EDNRA: variants seen among roughly 807,000 people sequenced by gnomAD.
EDNRA encodes endothelin-1 receptor.
Under a neutral mutation model 41.4 loss-of-function variants are expected in EDNRA, and 11 were observed. That is an observed-to-expected ratio of 0.27 (90% CI 0.17 to 0.44). EDNRA has a LOEUF of 0.44. Among genes scored for constraint, EDNRA ranks in the 20% least tolerant of loss-of-function variants. EDNRA has a pLI of 1.00. For missense variants in EDNRA, 294 were observed against 531.0 expected (o/e 0.55, Z 4.39); for synonymous variants, 172 against 183.0 (o/e 0.94, Z 0.49).
chr4:147,512,700 C>T (rs775339537), intron 2 of EDNRA, among the ~76,000 whole-genome samples: 1 of 152,204 alleles, frequency 6.6e-6, no homozygotes, highest in Non-Finnish European at 1.5e-5. Context: ...GTCTAAGTCA[C>T]GCCAGGGGAC....
At position 147,542,681 on chromosome 4, in the gene EDNRA, A is replaced by G. The variant is rs777398660; in HGVS notation, c.*63A>G. On this transcript the variant is annotated 3_prime_UTR_variant, in exon 8 of 8. Coordinates refer to ENST00000651419, the MANE Select transcript of EDNRA (RefSeq NM_001957.4). ...TCTCGGAGAAAAAAATCACAAGGCA[A>G]CTGTGAGTCCGGGAATCTCTTCTCT... is the stretch of plus-strand genomic sequence containing the variant. 12 of 1,574,218 alleles carry G rather than the reference A, an allele frequency of 7.6e-6. No individual in the cohort carries two copies. The highest frequency in any genetic ancestry group is 6.9e-6 in the Non-Finnish European group (8 of 1,154,994).
intron 2 of EDNRA, among the ~76,000 whole-genome samples, chr4:147,517,160 T>C (rs1156363483): frequency 6.6e-6 from 1 of 152,198 alleles, no homozygotes; most frequent in Non-Finnish European, 1.5e-5. Context: ...TTTTACCATC[T>C]TATGTATTAT....
At chr4:147,530,351 AG>A (rs923182038) in intron 3 of EDNRA, among the ~76,000 whole-genome samples, 1 of 152,228 alleles carries the variant, frequency 6.6e-6, no homozygotes, top group African/African-American at 2.4e-5. Context: ...ACTGGGTATC[AG>A]GCTGCCAGTT....
intron 2 of EDNRA, chr4:147,488,567 C>G (rs1729021948): frequency 6.6e-6 from 1 of 152,082 alleles, no homozygotes; most frequent in Non-Finnish European, 1.5e-5. Context: ...ATTTAACTAT[C>G]ATTAATTTTA....
chr4:147,505,371 C>T (rs1326696579), intron 2 of EDNRA, among the ~76,000 whole-genome samples: 1 of 108,988 alleles, frequency 9.2e-6, no homozygotes, highest in Non-Finnish European at 1.7e-5. Context: ...TGGAGTTGCG[C>T]TCTTGTTGCC....
chr4:147,503,974 A>C (rs992198155), intron 2 of EDNRA, among the ~76,000 whole-genome samples: 1 of 152,170 alleles, frequency 6.6e-6, no homozygotes, highest in African/African-American at 2.4e-5. Context: ...AAACAAAAAA[A>C]TTATTTAGTG....
At chr4:147,514,832 T>C (rs1044399463) in intron 2 of EDNRA, among the ~76,000 whole-genome samples, 5 of 152,218 alleles carry the variant, frequency 3.3e-5, no homozygotes, top group Non-Finnish European at 7.3e-5. Flanking sequence ...TCCTGTTCCA[T>C]TTGACTGTCA....
In EDNRA at chr4:147,532,531, C is replaced by T. The variant is rs1274081127; in HGVS notation, c.574C>T (p.Arg192Cys). 1.2e-6 allele frequency: 2 copies of T among 1,613,766 alleles called. No homozygotes were observed. The highest frequency in any genetic ancestry group is 2.7e-5 in the African/African-American group (2 of 74,806). ...DRYRAVASWS[R>C]VQGIGIPLVT... ...GTACAGAGCAGTTGCCTCCTGGAGT[C>T]GTGTTCAGGGAATTGGGATTCCTTT... Residue 192 changes from arginine to cysteine, a missense_variant, in exon 4 of 8, where the codon CGT becomes TGT. Physicochemically the swap from Arg to Cys is radical, Grantham distance 180. Transcript: ENST00000651419.
chr4:147,536,315 T>C (rs761452035), intron 5 of EDNRA, among the ~76,000 whole-genome samples: 36 of 152,186 alleles, frequency 2.4e-4, no homozygotes, highest in Non-Finnish European at 4.7e-4. Flanking sequence ...GTGCATTCAA[T>C]TGGGCTTGAA....
chr4:147,520,266 T>C (rs917138018), intron 3 of EDNRA, among the ~76,000 whole-genome samples: 2 of 152,242 alleles, frequency 1.3e-5, no homozygotes, highest in East Asian at 3.8e-4. Flanking sequence ...GAATAAACTT[T>C]GTGAAAAGGA....
chr4:147,488,381 A>G (rs1729014130), intron 2 of EDNRA: 1 of 152,242 alleles, frequency 6.6e-6, no homozygotes, highest in South Asian at 2.1e-4. Context: ...TCACCTAGCA[A>G]TGAATAAAAA....
At chr4:147,491,996 AGTCCTTCTACCTGGAATATG>A (rs1396107667) in intron 2 of EDNRA, 1 of 152,110 alleles carries the variant, frequency 6.6e-6, no homozygotes, top group Non-Finnish European at 1.5e-5. Context: ...TATCTATCTG[AGTCCTTCTACCTGGAATATG>A]GTCCTTCTAC....
At chr4:147,528,621 A>T (rs77249653) in intron 3 of EDNRA, among the ~76,000 whole-genome samples, 6,406 of 152,176 alleles carry the variant, frequency 0.042, 245 homozygotes, top group African/African-American at 0.1. Context: ...GGCATGAACC[A>T]TCGCACCCGG....
chr4:147,499,797 C>CTT (rs58464606), intron 2 of EDNRA, among the ~76,000 whole-genome samples: 2,293 of 85,332 alleles, frequency 0.027, 25 homozygotes, highest in Non-Finnish European at 0.032. Flanking sequence ...CTCTAAAAGT[C>CTT]TTTTTTTTTT....
chr4:147,522,290 G>C (rs1468851888), intron 3 of EDNRA, among the ~76,000 whole-genome samples: 1 of 152,148 alleles, frequency 6.6e-6, no homozygotes, highest in Non-Finnish European at 1.5e-5. Flanking sequence ...TGTAATCCCA[G>C]CACTTTGTGA....
At chr4:147,491,009 T>C (rs535736435) in intron 2 of EDNRA, 2 of 151,898 alleles carry the variant, frequency 1.3e-5, no homozygotes, top group Non-Finnish European at 2.9e-5. Context: ...TAGCAGGGAG[T>C]TGATGCCGTG....
intron 2 of EDNRA, among the ~76,000 whole-genome samples, chr4:147,497,135 G>C (rs930065612): frequency 6.7e-6 from 1 of 149,284 alleles, no homozygotes; most frequent in Non-Finnish European, 1.5e-5. Context: ...TAAGAACTAG[G>C]CAATAGAATT....
At chr4:147,481,942 T>G (rs1426327583) in intron 1 of EDNRA, among the ~76,000 whole-genome samples, 1 of 152,210 alleles carries the variant, frequency 6.6e-6, no homozygotes, top group Non-Finnish European at 1.5e-5. Context: ...TGCTCGCCTT[T>G]AAAGGACACT....
intron 4 of EDNRA, among the ~76,000 whole-genome samples, chr4:147,533,616 G>A (rs868364935): frequency 1.3e-4 from 20 of 152,244 alleles, no homozygotes; most frequent in Middle Eastern, 6.8e-3. Flanking sequence ...AATTAAAAGT[G>A]CTCATGAAAA....
Sources: allele counts gnomAD v4.1 joint callset (sites outside exome capture counted in the v4.1 genomes callset), GRCh38; gene constraint gnomAD v4.1.1; transcripts MANE v1.5; gene names NCBI Gene and HGNC (gene_info 2026-07-23, HGNC 2026-07-21).